CAMTA2: variants seen among roughly 807,000 people sequenced by gnomAD.
The protein encoded by CAMTA2 is calmodulin binding transcription activator 2.
In CAMTA2, 56 loss-of-function variants were observed where a neutral mutation model predicts 135.7. The observed-to-expected ratio is 0.41, with a 90% CI of 0.33 to 0.52. CAMTA2 has a LOEUF of 0.52. Among genes scored for constraint, CAMTA2 ranks in the 20% least tolerant of loss-of-function variants. The pLI is 0.16. For synonymous variants in CAMTA2, 591 were observed against 604.6 expected (o/e 0.98, Z 0.33); for missense variants, 1,358 against 1,553.4 (o/e 0.87, Z 2.11).
intron 11 of CAMTA2, among the ~76,000 whole-genome samples, chr17:4,975,409 GA>G (rs1972551980): frequency 6.6e-6 from 1 of 152,094 alleles, no homozygotes; most frequent in Non-Finnish European, 1.5e-5. Context: ...AAGAAAGGAC[GA>G]TAAAAGACAG....
At chr17:4,974,207 G>A (rs756701249) in intron 12 of CAMTA2, 178 bp downstream of exon 12, 3 of 596,884 alleles carry the variant, frequency 5.0e-6, no homozygotes, top group Non-Finnish European at 9.0e-6. Context: ...AGGGTGCCCA[G>A]AATAGCCACT....
chr17:4,986,904 T>G, intron 1 of CAMTA2: 1 of 1,415,988 alleles, frequency 7.1e-7, no homozygotes, highest in Non-Finnish European at 9.6e-7. Flanking sequence ...TCTACGTAGC[T>G]CCCTCTCCCC....
chr17:4,973,511 T>TC, intron 13 of CAMTA2, 74 bp downstream of exon 13: 1 of 1,464,146 alleles, frequency 6.8e-7, no homozygotes, highest in South Asian at 1.2e-5. Context: ...CCCCAGGTCC[T>TC]CCAATTCCTC....
intron 16 of CAMTA2, among the ~76,000 whole-genome samples, chr17:4,971,969 G>A (rs1003505877): frequency 3.3e-5 from 5 of 152,146 alleles, no homozygotes; most frequent in Non-Finnish European, 5.9e-5. Flanking sequence ...GATTACAGGC[G>A]TAAGCCACCA....
chr17:4,983,407 C>T (rs182637839), intron 3 of CAMTA2, among the ~76,000 whole-genome samples: 15 of 149,362 alleles, frequency 1.0e-4, no homozygotes, highest in African/African-American at 3.5e-4. Context: ...CTCAGCCTCC[C>T]GGGTAGCTGG....
intron 10 of CAMTA2, 104 bp from the exon 11 acceptor site, chr17:4,977,296 C>T: frequency 7.0e-7 from 1 of 1,435,254 alleles, no homozygotes; most frequent in Non-Finnish European, 9.4e-7. Context: ...TCCCCTACTG[C>T]CCTGCTGTGG....
At position 4,970,407 on chromosome 17, in the gene CAMTA2, C is replaced by G. The variant is rs762884736; in HGVS notation, c.2938G>C (p.Glu980Gln). 6 of 1,614,078 alleles carry G rather than the reference C, an allele frequency of 3.7e-6. No individual in the cohort carries two copies. In the South Asian group the frequency reaches 6.6e-5, roughly 18 times the overall value. The change falls in exon 17 of 23, where the codon GAG (glutamate) becomes CAG (glutamine). Residue 980 changes from glutamate to glutamine, a missense_variant. Physicochemically the swap from Glu to Gln is conservative, Grantham distance 29. This residue lies in a region of CAMTA2 where 1,077 missense variants were observed against 1,127.5 expected (regional missense o/e 0.96). Coordinates refer to ENST00000348066, the MANE Select transcript of CAMTA2 (RefSeq NM_015099.4). ...TAGCTGGCCAGCCAGGACATGGTCTCACTGAGCCCCACAGCCCCTGTCCGC... is the reference window on the plus strand; with the variant it reads ...TAGCTGGCCAGCCAGGACATGGTCTGACTGAGCCCCACAGCCCCTGTCCGC... ...RERTGAVGLS[E>Q]TMSWLASYLE...
chr17:4,981,316 GAAC>G lies in CAMTA2; in HGVS notation c.606_608del (p.Glu202_Phe203delinsAsp). 6.2e-7 allele frequency: 1 copy of G among 1,614,134 alleles called. No homozygotes were observed. The highest frequency in any genetic ancestry group is 8.5e-7 in the Non-Finnish European group (1 of 1,179,972). Reference sequence around the variant, plus strand: ...TCTGCTGCACCAGGTGTTCTACAGAGAACTCTTCTGTTCCATTCCCGCAGCTCC... The same window carrying G: ...TCTGCTGCACCAGGTGTTCTACAGAGTCTTCTGTTCCATTCCCGCAGCTCC... On this transcript the variant is annotated inframe_deletion, in exon 8 of 23. Transcript: ENST00000348066.
At position 4,968,283 on chromosome 17, in the gene CAMTA2, CA is replaced by C. The variant is rs1972035516; in HGVS notation, c.*472del. 1 of 276,582 alleles carries C rather than the reference CA, an allele frequency of 3.6e-6. No homozygotes were observed. The highest frequency in any genetic ancestry group is 4.3e-5 in the South Asian group (1 of 23,156). 17.1% of individuals were successfully genotyped at this position (276,582 alleles called of 1,614,324 possible). A position where few individuals can be genotyped will look rare whatever the true frequency, so the allele number is the denominator to read the frequency against. On this transcript the variant is annotated 3_prime_UTR_variant, in exon 23 of 23. Coordinates refer to ENST00000348066, the MANE Select transcript of CAMTA2 (RefSeq NM_015099.4). ...GCCAGAGTCGGGTGATGGGGTAAGA[CA>C]GGGCCAGAGAGGGAGGAAACAGACG...
Position 4,987,065 on chromosome 17 carries a change from G to C in CAMTA2, c.-65+528C>G, listed in dbSNP as rs1973388032. 10 of 1,400,890 alleles carry C rather than the reference G, an allele frequency of 7.1e-6. No homozygotes were observed. In the South Asian group the frequency reaches 1.6e-4, roughly 22 times the overall value. 86.8% of individuals were successfully genotyped at this position (1,400,890 alleles called of 1,614,324 possible). A position where few individuals can be genotyped will look rare whatever the true frequency, so the allele number is the denominator to read the frequency against. Reference sequence around the variant, plus strand: ...CGCCAGGTGTCCAGGATGGAGATGGGAGGAGGCCCGTCGGGCTCGGCTATG... The same window carrying C: ...CGCCAGGTGTCCAGGATGGAGATGGCAGGAGGCCCGTCGGGCTCGGCTATG... On this transcript the variant is annotated intron_variant, in intron 1 of 22. Transcript: ENST00000348066.
intron 5 of CAMTA2, 187 bp from the exon 6 acceptor site, chr17:4,982,347 G>C: frequency 1.6e-6 from 1 of 614,698 alleles, no homozygotes; most frequent in Non-Finnish European, 2.9e-6. Flanking sequence ...GAGCAGTGGG[G>C]CTGGGGCCTT....
chr17:4,976,684 G>C (rs1292360063), intron 11 of CAMTA2, among the ~76,000 whole-genome samples: 4 of 152,188 alleles, frequency 2.6e-5, no homozygotes, highest in Admixed American at 2.6e-4. Context: ...CTGGGAGACA[G>C]AGCAAGACTC....
At chr17:4,974,830 CT>C in intron 11 of CAMTA2, 1 of 209,858 alleles carries the variant, frequency 4.8e-6, no homozygotes, top group Non-Finnish European at 9.7e-6. Flanking sequence ...TCCCCCCAGC[CT>C]TTTCCTAGGC....
At chr17:4,986,137 G>T (rs1215038691) in intron 2 of CAMTA2, 55 bp downstream of exon 2, 2 of 1,171,846 alleles carry the variant, frequency 1.7e-6, no homozygotes, top group South Asian at 2.4e-5. Context: ...GGCCACTAAA[G>T]CGTGGGGAGA....
In CAMTA2 at chr17:4,972,488, GA is replaced by G; in HGVS notation, c.2551del (p.Ser851ProfsTer24). ...SPSELSDGTF[S>X]VTSAYSSAPD... ...GGCACTAGAATAGGCTGACGTGACG[GA>G]AAAGGTGCCATCCGACAGCTCCGAG... On this transcript the variant is annotated frameshift_variant, in exon 16 of 23. Coordinates refer to ENST00000348066, the MANE Select transcript of CAMTA2 (RefSeq NM_015099.4). LOFTEE classifies it high-confidence loss of function. The G allele has an allele frequency of 6.2e-7, 1 of 1,611,992 alleles. No homozygotes were observed. The highest frequency in any genetic ancestry group is 8.5e-7 in the Non-Finnish European group (1 of 1,179,194).
chr17:4,974,016 A>G (rs1329456227), intron 12 of CAMTA2: 3 of 548,604 alleles, frequency 5.5e-6, no homozygotes, highest in Non-Finnish European at 9.7e-6. Flanking sequence ...GATTAGTGCC[A>G]TGTTCACACA....
Position 4,969,684 on chromosome 17 carries a change from C to T in CAMTA2, c.3207G>A (p.Glu1069=), listed in dbSNP as rs1263588708. 1 of 1,613,970 alleles carries T rather than the reference C, an allele frequency of 6.2e-7. No homozygotes were observed. The highest frequency in any genetic ancestry group is 1.1e-5 in the South Asian group (1 of 91,080). ...TTACAGCTGCTGCTACCTCCTGCTG[C>T]TCCTTCAGCCGCCGGCCCTGAAGGG... ...FRKYKGRRLK[E]QQEVAAAVIQ... is the part of the protein sequence containing the mutation. Residue 1069 remains glutamate (E), a synonymous_variant, in exon 19 of 23, where the codon GAG becomes GAA. Transcript: ENST00000348066. The surrounding 1 kb of genome is among the most constrained non-coding windows in gnomAD (Gnocchi z 5.6).
chr17:4,974,260 AG>A, intron 12 of CAMTA2, 124 bp downstream of exon 12: 1 of 667,906 alleles, frequency 1.5e-6, no homozygotes, highest in Admixed American at 2.3e-5. Context: ...CGTCAGGGAG[AG>A]GGAAGACAGG....
At position 4,969,012 on chromosome 17, in the gene CAMTA2, A is replaced by C; in HGVS notation, c.3471-31T>G. Reference sequence around the variant, plus strand: ...GAAAGAAACAAAAGATGGACCTCACAGAAGGCATCGCATGCCTTCGGCCCC... The same window carrying C: ...GAAAGAAACAAAAGATGGACCTCACCGAAGGCATCGCATGCCTTCGGCCCC... On this transcript the variant is annotated intron_variant, in intron 21 of 22. Coordinates refer to ENST00000348066, the MANE Select transcript of CAMTA2 (RefSeq NM_015099.4). This position sits in a 1 kb window ranked among gnomAD's most constrained non-coding sequence, Gnocchi z 5.6. 6.2e-7 allele frequency: 1 copy of C among 1,609,534 alleles called. No individual in the cohort carries two copies. Among genetic ancestry groups the C allele is most frequent in the Non-Finnish European group, 8.5e-7 (1 of 1,176,734 alleles).
Sources: allele counts gnomAD v4.1 joint callset (sites outside exome capture counted in the v4.1 genomes callset), GRCh38; gene constraint gnomAD v4.1.1; regional missense constraint gnomAD v4.1.1; non-coding constraint Gnocchi (gnomAD v3.1); transcripts MANE v1.5; gene names NCBI Gene and HGNC (gene_info 2026-07-23, HGNC 2026-07-21).